The following ATP11C variants were observed in gnomAD, a reference collection of about 807,000 sequenced individuals.
ATP11C encodes the protein phospholipid-transporting ATPase IG.
In ATP11C, 36 loss-of-function variants were observed where a neutral mutation model predicts 97.4. That is an observed-to-expected ratio of 0.37 (90% CI 0.28 to 0.49). The LOEUF is 0.49. Ranked by LOEUF, ATP11C falls within the 20% of genes least tolerant of loss-of-function variation. ATP11C has a pLI of 0.98. For missense variants in ATP11C, 730 were observed against 824.6 expected, an observed-to-expected ratio of 0.89 and a Z score of 1.40; for synonymous variants, 275 against 290.9, an observed-to-expected ratio of 0.95 and a Z score of 0.56.
intron 5 of ATP11C, among the ~76,000 whole-genome samples, chrX:139,808,736 T>TA (rs1569465714): frequency 8.9e-6 from 1 of 112,429 alleles, no homozygotes; most frequent in Non-Finnish European, 1.9e-5. Flanking sequence ...AAAAATAAGA[T>TA]ACTATATGAA....
Position 139,807,816 on chromosome X carries a change from T to C in ATP11C, c.427-3217A>G, listed in dbSNP as rs941096895. Among the ~76,000 whole-genome samples, 18 of 110,199 alleles carry C rather than the reference T, an allele frequency of 1.6e-4. No homozygotes were observed. In the East Asian group the frequency reaches 4.9e-3, roughly 30 times the overall value. ...AATGATAATAACAGTTAGCCAAGTGTAGTTGCACACCTATAGACCCAGCTA... is the reference window on the plus strand; with the variant it reads ...AATGATAATAACAGTTAGCCAAGTGCAGTTGCACACCTATAGACCCAGCTA... On this transcript the variant is annotated intron_variant, in intron 5 of 29. Coordinates refer to ENST00000682941, the MANE Select transcript of ATP11C (RefSeq NM_001353812.2).
intron 2 of ATP11C, among the ~76,000 whole-genome samples, chrX:139,823,487 G>A (rs1442473765): frequency 1.8e-5 from 2 of 112,065 alleles, no homozygotes; most frequent in Admixed American, 9.4e-5. Flanking sequence ...GGAGGCTTTA[G>A]AACTTTACTT....
chrX:139,787,051 G>A, intron 15 of ATP11C, 122 bp downstream of exon 15: 1 of 979,639 alleles, frequency 1.0e-6, no homozygotes, highest in Non-Finnish European at 1.4e-6. Context: ...ATAAAACTCT[G>A]AACTGGGAGA....
In ATP11C at chrX:139,826,611, T is replaced by C. The variant is rs890875966; in HGVS notation, c.147+93A>G. 5 of 752,883 alleles carry C rather than the reference T, an allele frequency of 6.6e-6. No individual in the cohort carries two copies. The African/African-American group carries it at 1.1e-4, about 16-fold the overall frequency. 62.0% of individuals were successfully genotyped at this position (752,883 alleles called of 1,213,427 possible). ...ATATACATGCAAATACATGTACACA[T>C]ACATAAATGCATCAGTTTCCTCAGA... On this transcript the variant is annotated intron_variant, in intron 2 of 29. Transcript: ENST00000682941.
upstream of ATP11C, among the ~76,000 whole-genome samples, chrX:139,935,655 G>A (rs1235347963): frequency 9.0e-6 from 1 of 110,946 alleles, no homozygotes; most frequent in South Asian, 3.8e-4. Context: ...ATTTCAATAC[G>A]CCACCTATAC....
At chrX:139,935,617 A>T (rs1402360099), upstream of ATP11C, among the ~76,000 whole-genome samples, 2 of 111,505 alleles carry the variant, frequency 1.8e-5, no homozygotes, top group Non-Finnish European at 3.8e-5. Flanking sequence ...TTTATTTGTT[A>T]TAATTCTGCT....
At chrX:139,870,585 C>G (rs1056829698) in intron 1 of ATP11C, among the ~76,000 whole-genome samples, 10 of 112,039 alleles carry the variant, frequency 8.9e-5, no homozygotes, top group African/African-American at 2.9e-4. Flanking sequence ...ATTAAATAAT[C>G]CAAATGTCCC....
At chrX:139,762,270 AC>A (rs780411733) in intron 21 of ATP11C, among the ~76,000 whole-genome samples, 164 bp from the exon 22 acceptor site, 2 of 112,389 alleles carry the variant, frequency 1.8e-5, no homozygotes, top group Admixed American at 1.9e-4. Flanking sequence ...ACTGAGACTT[AC>A]CAAATAATTT....
At chrX:139,797,369 G>A (rs1225326413) in intron 10 of ATP11C, 43 bp from the exon 11 acceptor site, 1 of 1,021,514 alleles carries the variant, frequency 9.8e-7, no homozygotes, top group East Asian at 3.2e-5. Flanking sequence ...AAAGACATCA[G>A]TCAGATATGA....
In ATP11C at chrX:139,847,413, A is replaced by G. The variant is rs531486645; in HGVS notation, c.28-20590T>C. ...CAAACAAACAAACTAGCTATGTCCTATATGGCTGGGTGCAGGGGCTTACAC... is the reference window on the plus strand; with the variant it reads ...CAAACAAACAAACTAGCTATGTCCTGTATGGCTGGGTGCAGGGGCTTACAC... On this transcript the variant is annotated intron_variant, in intron 1 of 29. Coordinates refer to ENST00000682941, the MANE Select transcript of ATP11C (RefSeq NM_001353812.2). Among the ~76,000 whole-genome samples the G allele has an allele frequency of 1.3e-3, 147 of 108,990 alleles. 1 individual carries two copies. The highest frequency in any genetic ancestry group is 4.7e-3 in the Middle Eastern group (1 of 211). The allele number at this position is 108,990 out of a possible 115,157, so 94.6% of individuals were successfully genotyped here. A position where few individuals can be genotyped will look rare whatever the true frequency, so the allele number is the denominator to read the frequency against.
chrX:139,924,106 A>G (rs1428818661), intron 1 of ATP11C: 1 of 381,187 alleles, frequency 2.6e-6, no homozygotes, highest in Admixed American at 2.5e-5. Flanking sequence ...AGCAGTAACA[A>G]AAGTCCAAAA....
intron 1 of ATP11C, among the ~76,000 whole-genome samples, chrX:139,840,184 C>T (rs1037022943): frequency 8.9e-6 from 1 of 112,246 alleles, no homozygotes; most frequent in African/African-American, 3.2e-5. Context: ...TCAAGCATAC[C>T]TATCAAAATT....
At chrX:139,906,182 T>C (rs2084972133) in intron 1 of ATP11C, among the ~76,000 whole-genome samples, 1 of 107,891 alleles carries the variant, frequency 9.3e-6, no homozygotes, top group Non-Finnish European at 1.9e-5. Flanking sequence ...CAGGTGGACA[T>C]GAGTTACTTA....
At chrX:139,817,758 C>T (rs908410670) in intron 3 of ATP11C, among the ~76,000 whole-genome samples, 3 of 111,627 alleles carry the variant, frequency 2.7e-5, no homozygotes, top group Non-Finnish European at 5.6e-5. Flanking sequence ...GAAAGAAGTT[C>T]TATAAATATT....
chrX:139,880,344 T>C (rs1466285867), intron 1 of ATP11C, among the ~76,000 whole-genome samples: 3 of 111,735 alleles, frequency 2.7e-5, no homozygotes, highest in Admixed American at 9.6e-5. Context: ...TGAGATGTCT[T>C]TGGGAATTCA....
chrX:139,914,666 T>C (rs2085127593), intron 1 of ATP11C, among the ~76,000 whole-genome samples: 1 of 111,541 alleles, frequency 9.0e-6, no homozygotes, highest in South Asian at 3.8e-4. Context: ...AGGCTGCCCT[T>C]CCCCTTCCCT....
intron 23 of ATP11C, 110 bp from the exon 24 acceptor site, chrX:139,750,262 C>T (rs1010102802): frequency 2.6e-6 from 2 of 773,907 alleles, no homozygotes; most frequent in Non-Finnish European, 3.6e-6. Context: ...AATTTTTTTA[C>T]ATGCTTTTGG....
At chrX:139,858,177 C>G (rs1040689876) in intron 1 of ATP11C, among the ~76,000 whole-genome samples, 1 of 112,749 alleles carries the variant, frequency 8.9e-6, no homozygotes, top group Non-Finnish European at 1.9e-5. Context: ...CCTTTGAGAA[C>G]GGTAAGAAAT....
chrX:139,848,541 G>A (rs1418937516), intron 1 of ATP11C, among the ~76,000 whole-genome samples: 3 of 108,783 alleles, frequency 2.8e-5, no homozygotes, highest in Middle Eastern at 4.9e-3. Flanking sequence ...CCAGGTTGGA[G>A]TGCAGTGGCT....
Sources: gnomAD v4.1 joint callset for allele counts (sites outside exome capture counted in the v4.1 genomes callset) on GRCh38, gnomAD v4.1.1 for gene constraint, MANE v1.5 for transcripts, NCBI Gene and HGNC (gene_info 2026-07-23, HGNC 2026-07-21) for gene names.